PTCHD4: variants seen among roughly 807,000 people sequenced by gnomAD.
PTCHD4 encodes the protein patched domain-containing protein 4.
In PTCHD4, 33 loss-of-function variants were observed where a neutral mutation model predicts 58.1. The observed-to-expected ratio is 0.57, with a 90% CI of 0.43 to 0.76. PTCHD4 has a LOEUF of 0.76. PTCHD4 is among the 30% of genes least tolerant of loss of function. PTCHD4 has a pLI of 0.00. For synonymous variants in PTCHD4, 478 were observed against 409.6 expected, an observed-to-expected ratio of 1.17 and a Z score of -2.02; for missense variants, 1,058 against 1,027.1, an observed-to-expected ratio of 1.03 and a Z score of -0.41.
intron 4 of PTCHD4, among the ~76,000 whole-genome samples, chr6:47,902,859 A>G (rs7775563): frequency 0.065 from 9,870 of 152,286 alleles, 382 homozygotes; most frequent in Middle Eastern, 0.099. Flanking sequence ...TTCGTATAAT[A>G]GTTTCCATTT....
chr6:47,906,867 T>A (rs546819507), intron 4 of PTCHD4, among the ~76,000 whole-genome samples: 1 of 152,182 alleles, frequency 6.6e-6, no homozygotes, highest in Non-Finnish European at 1.5e-5. Flanking sequence ...AGCCCACTTA[T>A]AGAGTTATTT....
chr6:48,004,292 C>T (rs1340748629), intron 4 of PTCHD4, among the ~76,000 whole-genome samples: 5 of 152,094 alleles, frequency 3.3e-5, no homozygotes, highest in Admixed American at 6.6e-5. Flanking sequence ...TCACTGTGTC[C>T]TGTGGTGTCA....
intron 4 of PTCHD4, among the ~76,000 whole-genome samples, chr6:47,979,581 A>T (rs1245971921): frequency 6.6e-6 from 1 of 152,108 alleles, no homozygotes; most frequent in Non-Finnish European, 1.5e-5. Context: ...TGTAGGAAAA[A>T]TTAAGCTCTT....
intron 4 of PTCHD4, among the ~76,000 whole-genome samples, chr6:47,887,390 T>C (rs927357065): frequency 1.3e-5 from 2 of 152,046 alleles, no homozygotes; most frequent in African/African-American, 2.4e-5. Context: ...TATTCAGCAA[T>C]GGGTTTTGTG....
In PTCHD4 at chr6:47,910,017, G is replaced by A. The variant is rs150371883; in HGVS notation, c.899-30081C>T. 2.8e-3 allele frequency among the ~76,000 whole-genome samples: 426 copies of A among 152,184 alleles called. 4 individuals carry two copies. Among genetic ancestry groups the A allele is most frequent in the African/African-American group, 8.3e-3 (345 of 41,516 alleles). ...TGCTTTTAGGAGGTCATTAATAACT[G>A]ATTAATATTTACAAAATCTGACCAA... On this transcript the variant is annotated intron_variant, in intron 4 of 4. Transcript: ENST00000339488.
At chr6:47,934,163 C>T (rs926397862) in intron 4 of PTCHD4, among the ~76,000 whole-genome samples, 14 of 152,142 alleles carry the variant, frequency 9.2e-5, no homozygotes, top group Admixed American at 7.2e-4. Context: ...GATGGGGAGC[C>T]TCAGGAAGTT....
At chr6:47,982,517 C>G (rs544192638) in intron 4 of PTCHD4, among the ~76,000 whole-genome samples, 20 of 127,482 alleles carry the variant, frequency 1.6e-4, no homozygotes, top group African/African-American at 5.7e-4. Context: ...GAGATGGAGT[C>G]TCGCTCAGTC....
intron 4 of PTCHD4, among the ~76,000 whole-genome samples, chr6:47,951,359 C>A (rs1766641751): frequency 6.6e-6 from 1 of 152,158 alleles, no homozygotes; most frequent in African/African-American, 2.4e-5. Flanking sequence ...GCCTAGATGA[C>A]TCTAAGACAC....
chr6:48,103,966 T>C (rs866525198), intron 1 of PTCHD4, among the ~76,000 whole-genome samples: 50 of 152,346 alleles, frequency 3.3e-4, no homozygotes, highest in Middle Eastern at 3.4e-3. Flanking sequence ...AGACCAAATC[T>C]ACGTCTAATT....
At chr6:47,968,347 A>C (rs577408471) in intron 4 of PTCHD4, among the ~76,000 whole-genome samples, 1 of 152,364 alleles carries the variant, frequency 6.6e-6, no homozygotes. Flanking sequence ...ATCAAAGATC[A>C]CAAATCACCA....
chr6:47,980,651 C>A (rs1767853536), intron 4 of PTCHD4, among the ~76,000 whole-genome samples: 1 of 151,704 alleles, frequency 6.6e-6, no homozygotes, highest in African/African-American at 2.4e-5. Context: ...TTAAACTTTG[C>A]ATGAAATTTT....
At chr6:48,017,121 G>A (rs1762895277) in intron 3 of PTCHD4, among the ~76,000 whole-genome samples, 1 of 151,972 alleles carries the variant, frequency 6.6e-6, no homozygotes, top group Non-Finnish European at 1.5e-5. Flanking sequence ...TTTTTAATCA[G>A]ATTTTTCCTC....
chr6:48,078,707 C>T (rs573121914), intron 1 of PTCHD4, among the ~76,000 whole-genome samples: 2 of 152,212 alleles, frequency 1.3e-5, no homozygotes, highest in East Asian at 1.9e-4. Flanking sequence ...TTTCTCTCAG[C>T]AGAAACTCTT....
chr6:47,945,697 G>A (rs994335281), intron 4 of PTCHD4, among the ~76,000 whole-genome samples: 2 of 151,520 alleles, frequency 1.3e-5, no homozygotes, highest in African/African-American at 4.8e-5. Context: ...ACCTTCATAT[G>A]GCTCAATTTT....
At chr6:47,912,308 G>C (rs1031940446) in intron 4 of PTCHD4, among the ~76,000 whole-genome samples, 1 of 150,588 alleles carries the variant, frequency 6.6e-6, no homozygotes, top group Admixed American at 6.6e-5. Context: ...TCCCAGTGGA[G>C]GGTAAGTTTC....
intron 4 of PTCHD4, among the ~76,000 whole-genome samples, chr6:47,950,288 A>T (rs1322131590): frequency 2.0e-5 from 3 of 152,076 alleles, no homozygotes; most frequent in Admixed American, 2.0e-4. Flanking sequence ...CTTAAAGAGC[A>T]CTCTACCTCC....
rs940039869 is a variant in PTCHD4 at position 47,873,072 on chromosome 6, C to A, written c.*5231G>T. Among the ~76,000 whole-genome samples the A allele has an allele frequency of 1.3e-5, 2 of 151,642 alleles. No individual in the cohort carries two copies. Among genetic ancestry groups the A allele is most frequent in the African/African-American group, 4.8e-5 (2 of 41,366 alleles). ...GCTTCTTTACAAAGAGTCTCCCTAGCTTTTCACTTTCACTAACAAAAGGGT... is the reference window on the plus strand; with the variant it reads ...GCTTCTTTACAAAGAGTCTCCCTAGATTTTCACTTTCACTAACAAAAGGGT... On this transcript the variant is annotated 3_prime_UTR_variant, in exon 5 of 5. Transcript: ENST00000339488.
At chr6:48,085,504 A>C (rs955394811) in intron 1 of PTCHD4, among the ~76,000 whole-genome samples, 3 of 152,216 alleles carry the variant, frequency 2.0e-5, no homozygotes, top group Non-Finnish European at 2.9e-5. Context: ...AGAACCAAGA[A>C]AAGCCTCTCA....
intron 4 of PTCHD4, among the ~76,000 whole-genome samples, chr6:47,972,325 G>A (rs939079186): frequency 5.3e-5 from 8 of 152,144 alleles, no homozygotes; most frequent in African/African-American, 1.9e-4. Flanking sequence ...GAGGATAATG[G>A]TTATGTTAGA....
Sources: allele counts gnomAD v4.1 joint callset (sites outside exome capture counted in the v4.1 genomes callset), GRCh38; gene constraint gnomAD v4.1.1; transcripts MANE v1.5; gene names NCBI Gene and HGNC (gene_info 2026-07-23, HGNC 2026-07-21).